Variants in RARS2 observed in about 807,000 individuals in gnomAD.
The protein encoded by RARS2 is probable arginine--tRNA ligase, mitochondrial.
In RARS2, 67 loss-of-function variants were observed where a neutral mutation model predicts 88.5. The observed-to-expected ratio is 0.76, with a 90% CI of 0.62 to 0.93. The LOEUF is 0.93. Among genes scored for constraint, RARS2 ranks in the 40% least tolerant of loss-of-function variants. The pLI is 0.00. For synonymous variants in RARS2, 239 were observed against 230.3 expected, an observed-to-expected ratio of 1.04 and a Z score of -0.34; for missense variants, 664 against 684.2, an observed-to-expected ratio of 0.97 and a Z score of 0.33.
intron 4 of RARS2, among the ~76,000 whole-genome samples, chr6:87,561,515 G>A (rs191823420): frequency 6.6e-6 from 1 of 152,226 alleles, no homozygotes; most frequent in Non-Finnish European, 1.5e-5. Context: ...CCTCAAGCCT[G>A]GCCCAAGTAA....
At chr6:87,565,981 T>A (rs939439612) in intron 2 of RARS2, among the ~76,000 whole-genome samples, 12 of 152,162 alleles carry the variant, frequency 7.9e-5, no homozygotes, top group Admixed American at 7.9e-4. Context: ...CATTAAGAAT[T>A]CTCCTGAGCC....
At chr6:87,543,199 A>G (rs1034661744) in intron 7 of RARS2, among the ~76,000 whole-genome samples, 1 of 152,116 alleles carries the variant, frequency 6.6e-6, no homozygotes, top group East Asian at 1.9e-4. Context: ...GCTACCAGGG[A>G]AAGTGAGACA....
At chr6:87,547,751 C>G (rs924342686) in intron 6 of RARS2, among the ~76,000 whole-genome samples, 24 of 151,792 alleles carry the variant, frequency 1.6e-4, no homozygotes, top group African/African-American at 5.8e-4. Flanking sequence ...GCGATTCTCC[C>G]ACCTCAGCCT....
intron 11 of RARS2, 60 bp from the exon 12 acceptor site, chr6:87,521,584 T>TA (rs1239612241): frequency 7.5e-7 from 1 of 1,334,898 alleles, no homozygotes; most frequent in Non-Finnish European, 1.1e-6. Context: ...TAATTGGTCT[T>TA]ACCTATTTAA....
intron 5 of RARS2, among the ~76,000 whole-genome samples, chr6:87,552,193 G>C (rs182606751): frequency 6.6e-6 from 1 of 152,154 alleles, no homozygotes; most frequent in East Asian, 1.9e-4. Context: ...AAAGTTTCTT[G>C]AGCACAGTGG....
chr6:87,530,295 A>G (rs1777048969), intron 9 of RARS2, among the ~76,000 whole-genome samples: 1 of 152,216 alleles, frequency 6.6e-6, no homozygotes, highest in Admixed American at 6.5e-5. Flanking sequence ...TGAAGACTCC[A>G]TACCTGATCT....
At chr6:87,587,394 TATTA>T (rs1209932809) in intron 1 of RARS2, among the ~76,000 whole-genome samples, 1 of 152,186 alleles carries the variant, frequency 6.6e-6, no homozygotes, top group Non-Finnish European at 1.5e-5. Flanking sequence ...TTGAAAATAT[TATTA>T]TTTATCCTCA....
intron 5 of RARS2, among the ~76,000 whole-genome samples, chr6:87,551,626 CA>C (rs71018036): frequency 1.4e-3 from 90 of 65,146 alleles, no homozygotes; most frequent in East Asian, 2.6e-3. Context: ...TCCGTCTCAA[CA>C]AAAAAAAAAA....
chr6:87,588,436 T>C (rs1775829440), intron 1 of RARS2, among the ~76,000 whole-genome samples: 1 of 152,154 alleles, frequency 6.6e-6, no homozygotes, highest in African/African-American at 2.4e-5. Context: ...GGCACAATCA[T>C]AGCTCACTGT....
chr6:87,575,920 T>C (rs537489700), intron 1 of RARS2, among the ~76,000 whole-genome samples: 116 of 151,426 alleles, frequency 7.7e-4, no homozygotes, highest in African/African-American at 2.4e-3. Context: ...TTCAAGGAAT[T>C]CTCCTGCTTC....
At chr6:87,514,921 C>A in intron 19 of RARS2, 36 bp downstream of exon 19, 1 of 1,526,504 alleles carries the variant, frequency 6.6e-7, no homozygotes, top group South Asian at 1.1e-5. Context: ...GTCTCAGGAG[C>A]TAGGGATTAT....
chr6:87,535,015 A>T (rs957004719), intron 8 of RARS2, among the ~76,000 whole-genome samples: 1 of 149,860 alleles, frequency 6.7e-6, no homozygotes, highest in African/African-American at 2.5e-5. Flanking sequence ...GACACATAAG[A>T]GCCTGGGGAA....
Position 87,589,970 on chromosome 6 carries a change from G to C in RARS2, c.-13C>G. On this transcript the variant is annotated 5_prime_UTR_variant, in exon 1 of 20. Transcript: ENST00000369536. ...AGCCGCACGCCATGTCCACCTCTAC[G>C]GAAGTGCGCCGCAGTCCGCCAGTTC... 1.2e-6 allele frequency: 2 copies of C among 1,614,236 alleles called. No individual in the cohort carries two copies. Among genetic ancestry groups the C allele is most frequent in the Non-Finnish European group, 1.7e-6 (2 of 1,180,040 alleles).
At chr6:87,545,144 G>A (rs1562151027) in intron 7 of RARS2, among the ~76,000 whole-genome samples, 1 of 152,306 alleles carries the variant, frequency 6.6e-6, no homozygotes, top group East Asian at 1.9e-4. Flanking sequence ...TGTCAACCAC[G>A]CTGGGTGCAG....
chr6:87,567,591 G>C (rs1007121872), intron 2 of RARS2, among the ~76,000 whole-genome samples: 4 of 152,284 alleles, frequency 2.6e-5, no homozygotes, highest in African/African-American at 9.6e-5. Flanking sequence ...CCTGGCACTT[G>C]TAAGCACTCT....
chr6:87,552,009 T>C (rs1441046072), intron 5 of RARS2, among the ~76,000 whole-genome samples: 2 of 152,246 alleles, frequency 1.3e-5, no homozygotes, highest in Non-Finnish European at 2.9e-5. Flanking sequence ...GACAGCCATT[T>C]ATCCTGTACT....
chr6:87,584,268 G>T (rs1582902173), intron 1 of RARS2, among the ~76,000 whole-genome samples: 1 of 152,182 alleles, frequency 6.6e-6, no homozygotes, highest in South Asian at 2.1e-4. Context: ...CTATTGCTAT[G>T]AATAGTAAAA....
At chr6:87,519,550 G>A (rs1222387492) in intron 14 of RARS2, 33 bp downstream of exon 14, 4 of 1,592,606 alleles carry the variant, frequency 2.5e-6, no homozygotes, top group Non-Finnish European at 3.4e-6. Flanking sequence ...TGGCACGTAA[G>A]TTATGACTTT....
chr6:87,525,009 T>C (rs952937516), intron 10 of RARS2, among the ~76,000 whole-genome samples: 6 of 152,192 alleles, frequency 3.9e-5, no homozygotes, highest in Admixed American at 1.3e-4. Context: ...ACATTCAATA[T>C]TGGGATAATT....
Sources: allele counts gnomAD v4.1 joint callset (sites outside exome capture counted in the v4.1 genomes callset), GRCh38; gene constraint gnomAD v4.1.1; transcripts MANE v1.5; gene names NCBI Gene and HGNC (gene_info 2026-07-23, HGNC 2026-07-21).